NIBAN1: variants seen among roughly 807,000 people sequenced by gnomAD.
The protein encoded by NIBAN1 is protein Niban 1.
In NIBAN1, 81 loss-of-function variants were observed where a neutral mutation model predicts 75.1. The observed-to-expected ratio is 1.08, with a 90% CI of 0.90 to 1.30. The LOEUF (loss-of-function observed/expected upper bound fraction) is 1.30, where lower values mean the gene tolerates loss of function less well. Among genes scored for constraint, NIBAN1 ranks in the 50% most tolerant of loss-of-function variants. NIBAN1 has a pLI of 0.00. For synonymous variants in NIBAN1, 436 were observed against 424.8 expected (o/e 1.03, Z -0.32); for missense variants, 1,133 against 1,128.1 (o/e 1.00, Z -0.06).
chr1:184,883,487 G>A (rs577375296), intron 5 of NIBAN1, among the ~76,000 whole-genome samples: 11 of 152,282 alleles, frequency 7.2e-5, no homozygotes, highest in South Asian at 2.1e-4. Flanking sequence ...AACAAAGAGC[G>A]CAGTTATCTG....
rs116933052 is a variant in NIBAN1 at position 184,964,938 on chromosome 1, A to G, written c.55+9364T>C. Reference sequence around the variant, plus strand: ...CCCAGTGAATTAATGGGTCTCAGCTATAAGTATCAATGGAACAGCTACTAA... The same window carrying G: ...CCCAGTGAATTAATGGGTCTCAGCTGTAAGTATCAATGGAACAGCTACTAA... On this transcript the variant is annotated intron_variant, in intron 1 of 13. Coordinates refer to ENST00000367511, the MANE Select transcript of NIBAN1 (RefSeq NM_052966.4). Among the ~76,000 whole-genome samples the G allele has an allele frequency of 2.2e-3, 337 of 152,346 alleles. 12 individuals carry two copies. In the East Asian group the frequency reaches 0.057, roughly 26 times the overall value.
chr1:184,806,110 A>C (rs946254884), intron 10 of NIBAN1, 54 bp from the exon 11 acceptor site: 23 of 1,462,248 alleles, frequency 1.6e-5, no homozygotes, highest in Admixed American at 3.4e-5. Flanking sequence ...TGGGATCACC[A>C]CCCACAGGCC....
intron 1 of NIBAN1, among the ~76,000 whole-genome samples, chr1:184,973,818 C>T (rs1025924116): frequency 6.6e-6 from 1 of 152,354 alleles, no homozygotes; most frequent in Non-Finnish European, 1.5e-5. Context: ...GGATGAAGTG[C>T]GAGCGAAGCT....
chr1:184,955,867 G>A (rs1346949570), intron 1 of NIBAN1, among the ~76,000 whole-genome samples: 2 of 152,168 alleles, frequency 1.3e-5, no homozygotes, highest in African/African-American at 4.8e-5. Flanking sequence ...CAGAAATAAT[G>A]TATGCCACCT....
At position 184,831,924 on chromosome 1, in the gene NIBAN1, A is replaced by T. The variant is rs1327410351; in HGVS notation, c.640T>A (p.Leu214Ile). 2 of 1,614,144 alleles carry T rather than the reference A, an allele frequency of 1.2e-6. No individual in the cohort carries two copies. Among genetic ancestry groups the T allele is most frequent in the East Asian group, 2.2e-5 (1 of 44,874 alleles). Residue 214 changes from leucine to isoleucine, a missense_variant, in exon 6 of 14, where the codon TTA becomes ATA. Transcript: ENST00000367511. ...KQMTFEAQAF[L>I]EAVQFFRQEK... is the part of the protein sequence containing the mutation. ...TGTCGGAAGAATTGCACAGCTTCTA[A>T]AAAGGCTTGGGCTTCAAATGTCATC...
At chr1:184,823,549 TCAA>T in intron 7 of NIBAN1, 86 bp downstream of exon 7, 55 of 1,432,222 alleles carry the variant, frequency 3.8e-5, no homozygotes, top group Admixed American at 5.4e-5. Context: ...GAAGGGAATA[TCAA>T]CAACAACAAC....
At chr1:184,930,221 G>T (rs775992267) in intron 1 of NIBAN1, among the ~76,000 whole-genome samples, 1 of 152,174 alleles carries the variant, frequency 6.6e-6, no homozygotes, top group Non-Finnish European at 1.5e-5. Context: ...AAAATGGATA[G>T]GGTACGACTC....
At chr1:184,831,790 C>T (rs1030788763) in intron 6 of NIBAN1, 57 bp downstream of exon 6, 27 of 1,212,472 alleles carry the variant, frequency 2.2e-5, no homozygotes, top group Admixed American at 1.5e-4. Context: ...ACCCTGACTT[C>T]GTATCACCCA....
rs988995650 is a variant in NIBAN1, at chr1:184,942,626, G to T, written c.55+31676C>A. On this transcript the variant is annotated intron_variant, in intron 1 of 13. Transcript: ENST00000367511. ...GGAGAATGGCGTGAACCCGGGAGGC[G>T]GAGCTTGCACTGAGCCCAGATTGCC... Among the ~76,000 whole-genome samples the T allele has an allele frequency of 3.7e-4, 56 of 151,676 alleles. 1 individual carries two copies. Among genetic ancestry groups the T allele is most frequent in the Admixed American group, 3.7e-3 (56 of 15,234 alleles).
At chr1:184,960,960 C>A (rs540557184) in intron 1 of NIBAN1, among the ~76,000 whole-genome samples, 2 of 151,524 alleles carry the variant, frequency 1.3e-5, no homozygotes, top group South Asian at 4.2e-4. Flanking sequence ...GCATCCCCTC[C>A]CATCAAACCT....
intron 1 of NIBAN1, among the ~76,000 whole-genome samples, chr1:184,909,068 G>A (rs928355631): frequency 6.6e-6 from 1 of 152,190 alleles, no homozygotes; most frequent in Non-Finnish European, 1.5e-5. Context: ...ACTAATCACA[G>A]TCATTAAATT....
At position 184,791,828 on chromosome 1, in the gene NIBAN1, A is replaced by C. The variant is rs181090379; in HGVS notation, c.*3149T>G. 5 of 152,366 alleles carry C rather than the reference A, an allele frequency of 3.3e-5. No homozygotes were observed. The East Asian group carries it at 7.7e-4, about 23-fold the overall frequency. 9.4% of individuals were successfully genotyped at this position (152,366 alleles called of 1,614,324 possible). ...ATGACACATACAAGTCTGTATGAAA[A>C]GCAAAACAAACTCATGGTGATATGC... On this transcript the variant is annotated 3_prime_UTR_variant, in exon 14 of 14. Coordinates refer to ENST00000367511, the MANE Select transcript of NIBAN1 (RefSeq NM_052966.4).
intron 1 of NIBAN1, among the ~76,000 whole-genome samples, chr1:184,929,360 A>AATC (rs1380976005): frequency 1.6e-4 from 24 of 152,228 alleles, no homozygotes; most frequent in Non-Finnish European, 1.3e-4. Context: ...CCAAAAACCC[A>AATC]ATCTTAAAAA....
rs1659023489 is a variant in NIBAN1, at chr1:184,974,430, G to A, written c.-74C>T. 1 of 1,496,162 alleles carries A rather than the reference G, an allele frequency of 6.7e-7. No homozygotes were observed. Among genetic ancestry groups the A allele is most frequent in the Admixed American group, 2.1e-5 (1 of 46,574 alleles). The allele number at this position is 1,496,162 out of a possible 1,614,324, so 92.7% of individuals were successfully genotyped here. ...GCTGCTAGCTCCTGGAGGTTGATCC[G>A]ACGGCGAACCCGGCTCTGAAATTAA... On this transcript the variant is annotated 5_prime_UTR_variant, in exon 1 of 14. Transcript: ENST00000367511.
At chr1:184,862,146 C>T (rs1476345075) in intron 5 of NIBAN1, among the ~76,000 whole-genome samples, 1 of 152,116 alleles carries the variant, frequency 6.6e-6, no homozygotes, top group Non-Finnish European at 1.5e-5. Flanking sequence ...CGCAGACCTT[C>T]CCTGGCACCT....
intron 10 of NIBAN1, among the ~76,000 whole-genome samples, chr1:184,807,021 C>T (rs1158041952): frequency 6.6e-6 from 1 of 152,136 alleles, no homozygotes; most frequent in African/African-American, 2.4e-5. Context: ...CCACCCGCCT[C>T]GGTCTCCCAA....
chr1:184,797,607 G>A (rs1653913209), intron 13 of NIBAN1, among the ~76,000 whole-genome samples: 1 of 151,422 alleles, frequency 6.6e-6, no homozygotes, highest in Non-Finnish European at 1.5e-5. Flanking sequence ...GGAATGTGTT[G>A]AGAGAGCCAT....
At chr1:184,969,280 T>C (rs1366592013) in intron 1 of NIBAN1, among the ~76,000 whole-genome samples, 1 of 152,166 alleles carries the variant, frequency 6.6e-6, no homozygotes, top group African/African-American at 2.4e-5. Context: ...GGTTAGTATA[T>C]AGTGGCTATC....
At chr1:184,910,119 TC>T (rs1657203118) in intron 1 of NIBAN1, among the ~76,000 whole-genome samples, 1 of 152,108 alleles carries the variant, frequency 6.6e-6, no homozygotes, top group African/African-American at 2.4e-5. Flanking sequence ...TGACATCAGC[TC>T]TGCTTGGAGT....
Sources: allele counts gnomAD v4.1 joint callset (sites outside exome capture counted in the v4.1 genomes callset), GRCh38; gene constraint gnomAD v4.1.1; transcripts MANE v1.5; gene names NCBI Gene and HGNC (gene_info 2026-07-23, HGNC 2026-07-21).